LAIR1: variants seen among roughly 807,000 people sequenced by gnomAD.
The protein encoded by LAIR1 is leukocyte-associated immunoglobulin-like receptor 1.
LAIR1 carries 24 observed loss-of-function variants against 32.8 expected under a neutral mutation model. That is an observed-to-expected ratio of 0.73 (90% CI 0.53 to 1.03). The LOEUF (loss-of-function observed/expected upper bound fraction) is 1.03, where lower values mean the gene tolerates loss of function less well. Among genes scored for constraint, LAIR1 ranks in the 50% least tolerant of loss-of-function variants. The pLI is 0.00. For synonymous variants in LAIR1, 150 were observed against 140.5 expected (o/e 1.07, Z -0.48); for missense variants, 355 against 347.5 (o/e 1.02, Z -0.17).
At chr19:54,365,794 A>G (rs1308772351), upstream of LAIR1, among the ~76,000 whole-genome samples, 1 of 152,100 alleles carries the variant, frequency 6.6e-6, no homozygotes, top group Non-Finnish European at 1.5e-5. Context: ...AAAAAAAAAA[A>G]AAATCAGTAT....
At chr19:54,365,178 T>A (rs562718942), upstream of LAIR1, 2 of 581,720 alleles carry the variant, frequency 3.4e-6, no homozygotes, top group South Asian at 1.0e-4. Flanking sequence ...GTCGCAGCTC[T>A]TGGGCAAGAC....
rs2081573559 is a variant in LAIR1 at position 54,353,404 on chromosome 19, T to C, written c.*1864A>G. 1 of 152,160 alleles carries C rather than the reference T, an allele frequency of 6.6e-6. No homozygotes were observed. Among genetic ancestry groups the C allele is most frequent in the Admixed American group, 6.6e-5 (1 of 15,266 alleles). The allele number at this position is 152,160 out of a possible 1,614,324, so 9.4% of individuals were successfully genotyped here. On this transcript the variant is annotated 3_prime_UTR_variant, in exon 10 of 10. Coordinates refer to ENST00000391742, the MANE Select transcript of LAIR1 (RefSeq NM_002287.6). ...AATTAAAGCTCAGTACAAATTAAAA[T>C]TGGGTAGGCCAGTCAGGTACCACCC...
At chr19:54,368,813 GA>G (rs2082332764), upstream of LAIR1, 2 of 151,954 alleles carry the variant, frequency 1.3e-5, no homozygotes, top group Admixed American at 6.6e-5. Context: ...TCGGCCTCCT[GA>G]GTAGCTGGGA....
At chr19:54,369,127 C>T (rs1206188102), upstream of LAIR1, among the ~76,000 whole-genome samples, 3 of 148,090 alleles carry the variant, frequency 2.0e-5, no homozygotes, top group South Asian at 4.2e-4. Context: ...CCAGCACATC[C>T]GCCAAAAAAA....
At chr19:54,356,144 T>G in intron 8 of LAIR1, 86 bp downstream of exon 8, 1 of 1,408,616 alleles carries the variant, frequency 7.1e-7, no homozygotes, top group Non-Finnish European at 1.0e-6. Flanking sequence ...CCAAAGATTC[T>G]TCCCCCCACC....
chr19:54,374,436 G>A (rs182378517), upstream of LAIR1, among the ~76,000 whole-genome samples: 32 of 152,184 alleles, frequency 2.1e-4, 1 homozygote, highest in Admixed American at 2.0e-3. Flanking sequence ...GATGAAGGAC[G>A]GGGTCCACAC....
intron 1 of LAIR1, among the ~76,000 whole-genome samples, chr19:54,369,996 G>A (rs1346631363): frequency 2.0e-5 from 3 of 147,448 alleles, no homozygotes; most frequent in Non-Finnish European, 3.0e-5. Flanking sequence ...ATCCTGTGTC[G>A]TTCCGTCCAA....
At position 54,353,253 on chromosome 19, in the gene LAIR1, G is replaced by A. The variant is rs1312183119; in HGVS notation, c.*2015C>T. The A allele has an allele frequency of 6.6e-6, 1 of 152,214 alleles. No homozygotes were observed. Among genetic ancestry groups the A allele is most frequent in the Non-Finnish European group, 1.5e-5 (1 of 68,114 alleles). The allele number at this position is 152,214 out of a possible 1,614,324, so 9.4% of individuals were successfully genotyped here. A position where few individuals can be genotyped will look rare whatever the true frequency, so the allele number is the denominator to read the frequency against. On this transcript the variant is annotated 3_prime_UTR_variant, in exon 10 of 10. Coordinates refer to ENST00000391742, the MANE Select transcript of LAIR1 (RefSeq NM_002287.6). ...ACAGGGACAGAGACAGACAGAGCAG[G>A]GAGAATGTGTCCCACGTGAAGAACA...
In LAIR1 at chr19:54,351,534, A is replaced by C. The variant is rs1247041434; in HGVS notation, c.*3734T>G. 1 of 152,240 alleles carries C rather than the reference A, an allele frequency of 6.6e-6. No homozygotes were observed. The allele number at this position is 152,240 out of a possible 1,614,324, so 9.4% of individuals were successfully genotyped here. A position where few individuals can be genotyped will look rare whatever the true frequency, so the allele number is the denominator to read the frequency against. ...CCTACAAGAAAGGAGATTAAGGTGT[A>C]GAATTTTACACTCATCACAGAAAGT... On this transcript the variant is annotated 3_prime_UTR_variant, in exon 10 of 10. Coordinates refer to ENST00000391742, the MANE Select transcript of LAIR1 (RefSeq NM_002287.6).
At chr19:54,365,858 A>G (rs2082235758), upstream of LAIR1, among the ~76,000 whole-genome samples, 1 of 152,180 alleles carries the variant, frequency 6.6e-6, no homozygotes, top group Non-Finnish European at 1.5e-5. Context: ...CGCAATAGCT[A>G]AGACGTGAAA....
At chr19:54,374,654 A>G (rs1372685353), upstream of LAIR1, among the ~76,000 whole-genome samples, 3 of 152,070 alleles carry the variant, frequency 2.0e-5, no homozygotes, top group Non-Finnish European at 4.4e-5. Flanking sequence ...CTTCAAGATC[A>G]TCTTCTCCAT....
rs2081549716 is a variant in LAIR1 at position 54,352,425 on chromosome 19, G to A, written c.*2843C>T. On this transcript the variant is annotated 3_prime_UTR_variant, in exon 10 of 10. Coordinates refer to ENST00000391742, the MANE Select transcript of LAIR1 (RefSeq NM_002287.6). Reference sequence around the variant, plus strand: ...TCTTCTCCGCACAGCAATGTTCCCAGATCTCACCACCCTGAGTTCTGGCCC... The same window carrying A: ...TCTTCTCCGCACAGCAATGTTCCCAAATCTCACCACCCTGAGTTCTGGCCC... 1 of 153,772 alleles carries A rather than the reference G, an allele frequency of 6.5e-6. No homozygotes were observed. The highest frequency in any genetic ancestry group is 1.5e-5 in the Non-Finnish European group (1 of 68,080). The allele number at this position is 153,772 out of a possible 1,614,324, so 9.5% of individuals were successfully genotyped here.
At chr19:54,362,713 T>C (rs1253562059) in intron 2 of LAIR1, among the ~76,000 whole-genome samples, 2 of 152,234 alleles carry the variant, frequency 1.3e-5, no homozygotes, top group African/African-American at 4.8e-5. Context: ...CTCAAACTTC[T>C]GACCTCAAGT....
chr19:54,365,124 G>A, upstream of LAIR1: 2 of 1,143,264 alleles, frequency 1.7e-6, no homozygotes, highest in Non-Finnish European at 1.1e-6. Context: ...TAAAGGTCGG[G>A]CAACCAATTG....
intron 5 of LAIR1, 58 bp downstream of exon 5, chr19:54,356,870 T>G (rs1039889175): frequency 6.2e-7 from 1 of 1,602,246 alleles, no homozygotes; most frequent in Non-Finnish European, 8.5e-7. Flanking sequence ...GCCTGACCTC[T>G]TTCTCCTTCC....
Position 54,364,272 on chromosome 19 carries a change from G to T in LAIR1, c.70+23C>A, listed in dbSNP as rs372717186. 28 of 1,607,578 alleles carry T rather than the reference G, an allele frequency of 1.7e-5. No individual in the cohort carries two copies. Among genetic ancestry groups the T allele is most frequent in the African/African-American group, 1.1e-4 (8 of 74,610 alleles). ...TTGGGGTGACAGAGGGGACTGGGAAGATGGGACGAAGGCATGACTTACCCT... is the reference window on the plus strand; with the variant it reads ...TTGGGGTGACAGAGGGGACTGGGAATATGGGACGAAGGCATGACTTACCCT... On this transcript the variant is annotated intron_variant, in intron 2 of 9. Transcript: ENST00000391742. The surrounding 1 kb of genome is among the most constrained non-coding windows in gnomAD (Gnocchi z 4.8).
intron 2 of LAIR1, among the ~76,000 whole-genome samples, chr19:54,361,982 C>CG (rs1028682765): frequency 6.6e-6 from 1 of 151,406 alleles, no homozygotes; most frequent in Non-Finnish European, 1.5e-5. Flanking sequence ...AATCCCTGAG[C>CG]GGGGCAGAGA....
At chr19:54,360,707 G>C in intron 3 of LAIR1, 1 of 595,024 alleles carries the variant, frequency 1.7e-6, no homozygotes, top group Non-Finnish European at 3.0e-6. Flanking sequence ...CATCCGTGGC[G>C]TCCAGAGGAG....
At position 54,351,396 on chromosome 19, in the gene LAIR1, G is replaced by A. The variant is rs942073114; in HGVS notation, c.*3872C>T. ...ACATATAGTCACCTTTTATCAAAAAGATATTTTATTTGTCTAAATGGAAGA... is the reference window on the plus strand; with the variant it reads ...ACATATAGTCACCTTTTATCAAAAAAATATTTTATTTGTCTAAATGGAAGA... On this transcript the variant is annotated 3_prime_UTR_variant, in exon 10 of 10. Transcript: ENST00000391742. 2 of 152,130 alleles carry A rather than the reference G, an allele frequency of 1.3e-5. No individual in the cohort carries two copies. The highest frequency in any genetic ancestry group is 2.4e-5 in the African/African-American group (1 of 41,426). 9.4% of individuals were successfully genotyped at this position (152,130 alleles called of 1,614,324 possible).
Sources: gnomAD v4.1 joint callset for allele counts (sites outside exome capture counted in the v4.1 genomes callset) on GRCh38, gnomAD v4.1.1 for gene constraint, Gnocchi (gnomAD v3.1) non-coding constraint, MANE v1.5 for transcripts, NCBI Gene and HGNC (gene_info 2026-07-23, HGNC 2026-07-21) for gene names.